Variants in PGBD5 observed in about 807,000 individuals in gnomAD.
PGBD5 encodes the protein piggyBac transposable element derived 5, also known as piggyBac transposable element-derived protein 5.
A neutral mutation model predicts 47.9 loss-of-function variants in PGBD5; 14 were observed. That is an observed-to-expected ratio of 0.29 (90% confidence interval 0.19 to 0.46). The LOEUF (loss-of-function observed/expected upper bound fraction) is 0.46. PGBD5 is among the 20% of genes least tolerant of loss of function. PGBD5 has a pLI of 1.00. For synonymous variants in PGBD5, 316 were observed against 306.3 expected (o/e 1.03, Z -0.33); for missense variants, 635 against 716.0 (o/e 0.89, Z 1.29).
chr1:230,375,179 A>G (rs1187242980), intron 1 of PGBD5, among the ~76,000 whole-genome samples: 2 of 152,234 alleles, frequency 1.3e-5, no homozygotes, highest in Non-Finnish European at 2.9e-5. Context: ...TAATCAGGAG[A>G]TGAATGTCTA....
chr1:230,316,078 TTA>T lies in PGBD5; in HGVS notation c.*7345_*7346del, dbSNP rs1249599008. ...TATATGTATGTGTATACATACATGTTTATGTGTATACATACATATGTTTATGT... is the reference window on the plus strand; with the variant it reads ...TATATGTATGTGTATACATACATGTTTGTGTATACATACATATGTTTATGT... On this transcript the variant is annotated 3_prime_UTR_variant, in exon 7 of 7. Coordinates refer to ENST00000391860, the MANE Select transcript of PGBD5 (RefSeq NM_001258311.2). 1.1e-4 allele frequency: 12 copies of T among 111,920 alleles called. 1 individual carries two copies. The highest frequency in any genetic ancestry group is 5.4e-4 in the East Asian group (1 of 1,844). 6.9% of individuals were successfully genotyped at this position (111,920 alleles called of 1,614,324 possible). A position where few individuals can be genotyped will look rare whatever the true frequency, so the allele number is the denominator to read the frequency against.
chr1:230,378,805 C>A (rs1251811224), intron 1 of PGBD5, among the ~76,000 whole-genome samples: 1 of 152,126 alleles, frequency 6.6e-6, no homozygotes, highest in South Asian at 2.1e-4. Context: ...CTTTCACAGG[C>A]CTTCAGTCCT....
rs905443631 is a variant in PGBD5 at position 230,321,723 on chromosome 1, T to A, written c.*1702A>T. ...AAATTCATCAGCTTTCATTAGAGTC[T>A]CCTTAAGTGTTGGAAACACATTAAA... On this transcript the variant is annotated 3_prime_UTR_variant, in exon 7 of 7. Transcript: ENST00000391860. 3.3e-5 allele frequency: 5 copies of A among 152,666 alleles called. No homozygotes were observed. The highest frequency in any genetic ancestry group is 1.2e-4 in the African/African-American group (5 of 41,468). 9.5% of individuals were successfully genotyped at this position (152,666 alleles called of 1,614,324 possible). A position where few individuals can be genotyped will look rare whatever the true frequency, so the allele number is the denominator to read the frequency against.
At chr1:230,411,094 T>C (rs972235898) in intron 1 of PGBD5, among the ~76,000 whole-genome samples, 3 of 151,696 alleles carry the variant, frequency 2.0e-5, no homozygotes, top group African/African-American at 2.4e-5. Flanking sequence ...CTAGGCAACA[T>C]AGCAAGACCC....
At position 230,425,743 on chromosome 1, in the gene PGBD5, G is replaced by T; in HGVS notation, c.186C>A (p.Asp62Glu). The change falls in exon 1 of 7, where the codon GAC (aspartate) becomes GAA (glutamate). Residue 62 changes from aspartate (D) to glutamate (E), a missense_variant. Asp to Glu is a conservative substitution (Grantham distance 45). Coordinates refer to ENST00000391860, the MANE Select transcript of PGBD5 (RefSeq NM_001258311.2). This position sits in a 1 kb window ranked among gnomAD's most constrained non-coding sequence, Gnocchi z 4.7. Reference sequence around the variant, plus strand: ...CTGGGGGTCCCGGGGGCTCGCGCTCGTCGTCCGAGGAGGCGGCCGAGGAGG... The same window carrying T: ...CTGGGGGTCCCGGGGGCTCGCGCTCTTCGTCCGAGGAGGCGGCCGAGGAGG... ...SRSSSAASSDDEREPPGPPGA... is the reference protein window; with the variant it reads ...SRSSSAASSDEEREPPGPPGA... 1.6e-6 allele frequency: 2 copies of T among 1,212,548 alleles called. No homozygotes were observed. The highest frequency in any genetic ancestry group is 1.0e-6 in the Non-Finnish European group (1 of 975,606). 75.1% of individuals were successfully genotyped at this position (1,212,548 alleles called of 1,614,324 possible).
At chr1:230,379,456 A>T (rs1015954751) in intron 1 of PGBD5, among the ~76,000 whole-genome samples, 1 of 152,200 alleles carries the variant, frequency 6.6e-6, no homozygotes. Flanking sequence ...CATTATTAGA[A>T]TTAACTTTCA....
At chr1:230,424,905 T>C (rs1571869372) in intron 1 of PGBD5, among the ~76,000 whole-genome samples, 1 of 152,144 alleles carries the variant, frequency 6.6e-6, no homozygotes, top group Non-Finnish European at 1.5e-5. Context: ...CTTCTCCAGG[T>C]ATTCGGGGCT....
At position 230,422,633 on chromosome 1, in the gene PGBD5, G is replaced by C. The variant is rs145968136; in HGVS notation, c.331+2965C>G. Among the ~76,000 whole-genome samples, 361 of 152,266 alleles carry C rather than the reference G, an allele frequency of 2.4e-3. 3 individuals carry two copies. Among genetic ancestry groups the C allele is most frequent in the African/African-American group, 8.3e-3 (344 of 41,554 alleles). ...CACCTCAATGCACAGCCAGAACCTA[G>C]GGGAGGTGAGAGAGGAGACAGAAGA... On this transcript the variant is annotated intron_variant, in intron 1 of 6. Transcript: ENST00000391860.
intron 1 of PGBD5, among the ~76,000 whole-genome samples, chr1:230,396,669 G>C (rs970129172): frequency 6.7e-6 from 1 of 149,830 alleles, no homozygotes; most frequent in African/African-American, 2.5e-5. Flanking sequence ...GGCACACATG[G>C]GGGCATCATA....
At chr1:230,345,287 T>C (rs1054994652) in intron 3 of PGBD5, among the ~76,000 whole-genome samples, 5 of 152,322 alleles carry the variant, frequency 3.3e-5, no homozygotes, top group African/African-American at 1.2e-4. Flanking sequence ...TCCACCCACA[T>C]AGAGGGCACA....
chr1:230,404,526 C>A (rs181076982), intron 1 of PGBD5, among the ~76,000 whole-genome samples: 1 of 149,466 alleles, frequency 6.7e-6, no homozygotes, highest in African/African-American at 2.5e-5. Flanking sequence ...GGGAGGATCA[C>A]TTGAGCACAG....
chr1:230,349,096 C>A (rs1179946381), intron 3 of PGBD5, among the ~76,000 whole-genome samples: 1 of 152,190 alleles, frequency 6.6e-6, no homozygotes, highest in Non-Finnish European at 1.5e-5. Flanking sequence ...AATTTGGGAA[C>A]GAATCTGAAC....
intron 5 of PGBD5, among the ~76,000 whole-genome samples, chr1:230,328,737 C>T (rs12140796): frequency 6.6e-6 from 1 of 152,190 alleles, no homozygotes; most frequent in Non-Finnish European, 1.5e-5. Flanking sequence ...TGCTACCTTT[C>T]TGCAAATTTA....
intron 1 of PGBD5, among the ~76,000 whole-genome samples, chr1:230,367,641 T>A (rs1023571207): frequency 2.0e-5 from 3 of 152,138 alleles, no homozygotes; most frequent in Non-Finnish European, 4.4e-5. Context: ...GAGGCTATAG[T>A]GAACCACGAC....
intron 1 of PGBD5, among the ~76,000 whole-genome samples, chr1:230,395,982 T>C (rs563599013): frequency 1.7e-5 from 2 of 120,732 alleles, no homozygotes; most frequent in South Asian, 6.3e-4. Context: ...CAAGCTCCTC[T>C]TTCTTTTGCT....
chr1:230,405,376 C>T (rs1657277570), intron 1 of PGBD5, among the ~76,000 whole-genome samples: 1 of 152,070 alleles, frequency 6.6e-6, no homozygotes, highest in African/African-American at 2.4e-5. Flanking sequence ...CTGAAGAAGG[C>T]GTGGATGATC....
In PGBD5 at chr1:230,319,080, G is replaced by C. The variant is rs1049524131; in HGVS notation, c.*4345C>G. 74 of 152,420 alleles carry C rather than the reference G, an allele frequency of 4.9e-4. No individual in the cohort carries two copies. Among genetic ancestry groups the C allele is most frequent in the African/African-American group, 1.8e-3 (74 of 41,580 alleles). 9.4% of individuals were successfully genotyped at this position (152,420 alleles called of 1,614,324 possible). ...GGATAAAATCCCCCGTCCTCGTGAT[G>C]AATCAGGACAGCCAGTGCCCACAGC... On this transcript the variant is annotated 3_prime_UTR_variant, in exon 7 of 7. Coordinates refer to ENST00000391860, the MANE Select transcript of PGBD5 (RefSeq NM_001258311.2).
chr1:230,399,768 T>C (rs1657089384), intron 1 of PGBD5, among the ~76,000 whole-genome samples: 1 of 152,214 alleles, frequency 6.6e-6, no homozygotes, highest in African/African-American at 2.4e-5. Flanking sequence ...ATGACGCCTA[T>C]TTCTCCTGCC....
chr1:230,418,910 G>T (rs1657585842), intron 1 of PGBD5, among the ~76,000 whole-genome samples: 2 of 152,346 alleles, frequency 1.3e-5, no homozygotes, highest in South Asian at 4.1e-4. Context: ...ACACACATAA[G>T]CTTCATTATA....
Sources: allele counts gnomAD v4.1 joint callset (sites outside exome capture counted in the v4.1 genomes callset), GRCh38; gene constraint gnomAD v4.1.1; non-coding constraint Gnocchi (gnomAD v3.1); transcripts MANE v1.5; gene names NCBI Gene and HGNC (gene_info 2026-07-23, HGNC 2026-07-21).